Variants in ZC3HAV1 observed in about 807,000 individuals in gnomAD.
ZC3HAV1 encodes the protein zinc finger CCCH-type antiviral protein 1.
In ZC3HAV1, 41 loss-of-function variants were observed where a neutral mutation model predicts 86.6. That is an observed-to-expected ratio of 0.47 (90% CI 0.37 to 0.61). The LOEUF is 0.61. Ranked by LOEUF, ZC3HAV1 falls within the 20% of genes least tolerant of loss-of-function variation. The pLI is 0.00. For synonymous variants in ZC3HAV1, 421 were observed against 432.1 expected (o/e 0.97, Z 0.32); for missense variants, 964 against 1,141.1 (o/e 0.84, Z 2.24).
At chr7:139,090,012 TG>T (rs1699412091) in intron 1 of ZC3HAV1, among the ~76,000 whole-genome samples, 1 of 152,128 alleles carries the variant, frequency 6.6e-6, no homozygotes, top group Non-Finnish European at 1.5e-5. Context: ...CTCCACCTCC[TG>T]CGTTCGAGCA....
rs1816214491 is a variant in ZC3HAV1 at position 139,054,099 on chromosome 7, A to T, written c.2188-4T>A. 6.4e-7 allele frequency: 1 copy of T among 1,563,570 alleles called. No homozygotes were observed. The highest frequency in any genetic ancestry group is 8.6e-7 in the Non-Finnish European group (1 of 1,164,094). On this transcript the variant is annotated splice_polypyrimidine_tract_variant and splice_region_variant and intron_variant, in intron 10 of 12. Transcript: ENST00000242351. ...GTAGGTGATGGATCTCTGACAACTA[A>T]TAAAGTTTAAAAATAGATAAATGTG...
intron 12 of ZC3HAV1, among the ~76,000 whole-genome samples, 175 bp from the exon 13 acceptor site, chr7:139,048,028 A>C (rs772169831): frequency 6.6e-6 from 1 of 152,236 alleles, no homozygotes; most frequent in African/African-American, 2.4e-5. Flanking sequence ...AGGCGAACTT[A>C]AATACAGTAT....
intron 1 of ZC3HAV1, among the ~76,000 whole-genome samples, chr7:139,095,704 A>G (rs1359341981): frequency 2.0e-5 from 3 of 152,170 alleles, no homozygotes; most frequent in African/African-American, 7.2e-5. Context: ...GGTGCCACCA[A>G]AATATCATCT....
At chr7:139,085,926 A>C (rs1404976780) in intron 2 of ZC3HAV1, among the ~76,000 whole-genome samples, 1 of 152,038 alleles carries the variant, frequency 6.6e-6, no homozygotes, top group Non-Finnish European at 1.5e-5. Context: ...AGGCAGGAGA[A>C]TTGCTTGAAC....
chr7:139,104,791 CT>C (rs1817881201), intron 1 of ZC3HAV1, among the ~76,000 whole-genome samples: 1 of 148,816 alleles, frequency 6.7e-6, no homozygotes, highest in African/African-American at 2.5e-5. Flanking sequence ...TAATCCTGCA[CT>C]TTGGGAGGCT....
In ZC3HAV1 at chr7:139,092,030, G is replaced by T. The variant is rs558423275; in HGVS notation, c.309-2271C>A. ...CTTTGGTTTAGAAAGGGGAGGGGGG[G>T]TCTAGTTAAAACAATTTTACTGAAG... is the stretch of plus-strand genomic sequence containing the variant. On this transcript the variant is annotated intron_variant, in intron 1 of 12. Coordinates refer to ENST00000242351, the MANE Select transcript of ZC3HAV1 (RefSeq NM_020119.4). Among the ~76,000 whole-genome samples, 5 of 152,240 alleles carry T rather than the reference G, an allele frequency of 3.3e-5. No individual in the cohort carries two copies. In the South Asian group the frequency reaches 1.0e-3, roughly 32 times the overall value.
chr7:139,078,577 A>G lies in ZC3HAV1; in HGVS notation c.1548T>C (p.His516=). 1 of 1,593,524 alleles carries G rather than the reference A, an allele frequency of 6.3e-7. No homozygotes were observed. The highest frequency in any genetic ancestry group is 8.5e-7 in the Non-Finnish European group (1 of 1,174,642). ...DHDSEEICLD[H]LCKGCPLNGS... is the part of the protein sequence containing the mutation. ...CATTAAGCGGACAACCCTTACACAG[A>G]TGGTCAAGACAAATTTCCTCTGAGT... Residue 516 remains histidine, a synonymous_variant, in exon 5 of 13, where the codon CAT becomes CAC. Transcript: ENST00000242351.
chr7:139,046,749 CT>C lies in ZC3HAV1; in HGVS notation c.*844del, dbSNP rs1396961965. 1 of 152,150 alleles carries C rather than the reference CT, an allele frequency of 6.6e-6. No homozygotes were observed. The highest frequency in any genetic ancestry group is 1.5e-5 in the Non-Finnish European group (1 of 68,048). The allele number at this position is 152,150 out of a possible 1,614,324, so 9.4% of individuals were successfully genotyped here. ...CACTTCAATTTTACTTTTTTTTCCC[CT>C]AGCATGTCCTTAAGCATTTTCTCCC... On this transcript the variant is annotated 3_prime_UTR_variant, in exon 13 of 13. Transcript: ENST00000242351.
At chr7:139,084,376 A>T (rs190692196) in intron 2 of ZC3HAV1, among the ~76,000 whole-genome samples, 1 of 152,254 alleles carries the variant, frequency 6.6e-6, no homozygotes, top group African/African-American at 2.4e-5. Context: ...CTCACTTTGC[A>T]ATGAAAAGGA....
intron 12 of ZC3HAV1, among the ~76,000 whole-genome samples, chr7:139,050,555 T>TG (rs978226109): frequency 1.3e-5 from 2 of 151,852 alleles, no homozygotes; most frequent in Admixed American, 6.6e-5. Flanking sequence ...TTATTAGAGA[T>TG]GGGGGGGTTT....
At chr7:139,062,343 C>T (rs969068004) in intron 8 of ZC3HAV1, among the ~76,000 whole-genome samples, 1 of 152,224 alleles carries the variant, frequency 6.6e-6, no homozygotes, top group Non-Finnish European at 1.5e-5. Context: ...GCTCTCATCT[C>T]TTACAGACCA....
chr7:139,083,740 A>G (rs1375108510), intron 3 of ZC3HAV1, 40 bp downstream of exon 3: 2 of 1,546,352 alleles, frequency 1.3e-6, no homozygotes, highest in Middle Eastern at 1.7e-4. Context: ...AAAAAAAAAA[A>G]AAAAAGAGTT....
intron 1 of ZC3HAV1, among the ~76,000 whole-genome samples, chr7:139,100,996 C>A (rs984522178): frequency 6.6e-6 from 1 of 152,242 alleles, no homozygotes; most frequent in Non-Finnish European, 1.5e-5. Context: ...GCGCGTGCCG[C>A]CACGCCTGAC....
At chr7:139,055,919 G>C (rs1300696481) in intron 9 of ZC3HAV1, among the ~76,000 whole-genome samples, 1 of 152,208 alleles carries the variant, frequency 6.6e-6, no homozygotes, top group African/African-American at 2.4e-5. Flanking sequence ...CAGATGAATA[G>C]TATAGTGGAA....
chr7:139,088,492 G>A (rs1416636381), intron 2 of ZC3HAV1, among the ~76,000 whole-genome samples: 2 of 152,114 alleles, frequency 1.3e-5, no homozygotes, highest in Non-Finnish European at 2.9e-5. Context: ...CATTTCCACT[G>A]GCTAGAAAAT....
intron 2 of ZC3HAV1, among the ~76,000 whole-genome samples, chr7:139,085,099 A>T (rs935195047): frequency 2.0e-5 from 3 of 152,224 alleles, no homozygotes; most frequent in Non-Finnish European, 4.4e-5. Context: ...CACTACCTGT[A>T]AATTTGTTAG....
chr7:139,082,081 A>G (rs1045768717), intron 3 of ZC3HAV1, among the ~76,000 whole-genome samples: 1 of 152,182 alleles, frequency 6.6e-6, no homozygotes, highest in Non-Finnish European at 1.5e-5. Flanking sequence ...CCTGGCCAAC[A>G]TGATGAAAAC....
chr7:139,054,594 T>C (rs1398757424), intron 10 of ZC3HAV1, among the ~76,000 whole-genome samples: 2 of 152,216 alleles, frequency 1.3e-5, no homozygotes, highest in Non-Finnish European at 2.9e-5. Flanking sequence ...CTAGTTTTCT[T>C]GTCCATAAAA....
At chr7:139,066,643 G>A (rs939425647) in intron 7 of ZC3HAV1, among the ~76,000 whole-genome samples, 1 of 152,188 alleles carries the variant, frequency 6.6e-6, no homozygotes, top group Admixed American at 6.5e-5. Flanking sequence ...GCTTGCTGCC[G>A]TGATTCAATG....
Sources: allele counts gnomAD v4.1 joint callset (sites outside exome capture counted in the v4.1 genomes callset), GRCh38; gene constraint gnomAD v4.1.1; transcripts MANE v1.5; gene names NCBI Gene and HGNC (gene_info 2026-07-23, HGNC 2026-07-21).